The following TCF20 variants were observed in gnomAD, a reference collection of about 807,000 sequenced individuals.
The protein encoded by TCF20 is SPRE-binding protein.
A neutral mutation model predicts 148.6 loss-of-function variants in TCF20; 3 were observed. That is an observed-to-expected ratio of 0.02 (90% CI 0.01 to 0.05). The LOEUF (loss-of-function observed/expected upper bound fraction) is 0.05, where lower values mean the gene tolerates loss of function less well. Among genes scored for constraint, TCF20 ranks in the 10% least tolerant of loss-of-function variants. TCF20 has a pLI of 1.00. For synonymous variants in TCF20, 1,049 were observed against 909.5 expected, an observed-to-expected ratio of 1.15 and a Z score of -2.76; for missense variants, 2,350 against 2,429.3, an observed-to-expected ratio of 0.97 and a Z score of 0.69.
intron 1 of TCF20, among the ~76,000 whole-genome samples, chr22:42,222,095 A>G (rs1279997151): frequency 6.6e-6 from 1 of 152,194 alleles, no homozygotes; most frequent in Non-Finnish European, 1.5e-5. Flanking sequence ...CTGGCCCTCT[A>G]GACAGATCAG....
intron 1 of TCF20, among the ~76,000 whole-genome samples, chr22:42,266,297 A>C (rs1346952888): frequency 6.6e-6 from 1 of 152,184 alleles, no homozygotes; most frequent in Admixed American, 6.5e-5. Context: ...AGCTGGGTGG[A>C]TATTGTAACA....
intron 2 of TCF20, among the ~76,000 whole-genome samples, chr22:42,189,059 T>C (rs1230867095): frequency 2.0e-5 from 3 of 151,828 alleles, no homozygotes; most frequent in Non-Finnish European, 4.4e-5. Context: ...AGGCAGGGTG[T>C]AGGGAACCAA....
rs754366471 is a variant in TCF20 at position 42,210,324 on chromosome 22, A to G, written c.4982T>C (p.Val1661Ala). 5.6e-6 allele frequency: 9 copies of G among 1,613,950 alleles called. No individual in the cohort carries two copies. In the African/African-American group the frequency reaches 1.1e-4, roughly 19 times the overall value. The change falls in exon 2 of 6, where the codon GTG (valine) becomes GCG (alanine). Residue 1661 changes from valine to alanine, a missense_variant. Coordinates refer to ENST00000677622, the MANE Select transcript of TCF20 (RefSeq NM_001378418.1). This position sits in a 1 kb window ranked among gnomAD's most constrained non-coding sequence, Gnocchi z 4.7. The stretch of plus-strand genomic sequence containing the variant: ...TGACCTCTGACCCTTCCTGCCCCTC[A>G]CTAATTTGGTCTGTTCTTCTTCCTC... ...NAEEEEQTKL[V>A]RGRKGQRSLT...
At chr22:42,209,487 T>A (rs145428118) in intron 2 of TCF20, among the ~76,000 whole-genome samples, 164 bp downstream of exon 2, 1,815 of 152,352 alleles carry the variant, frequency 0.012, 38 homozygotes, top group African/African-American at 0.042. Flanking sequence ...TTTAGAAGTC[T>A]ATACAAATCT....
chr22:42,214,693 A>G lies in TCF20; in HGVS notation c.613T>C (p.Ser205Pro). 1 of 1,614,106 alleles carries G rather than the reference A, an allele frequency of 6.2e-7. No individual in the cohort carries two copies. The highest frequency in any genetic ancestry group is 8.5e-7 in the Non-Finnish European group (1 of 1,180,006). The part of the protein sequence containing the change: ...PQATGQPASS[S>P]SHLQPMQRPS... ...CGCTGCATTGGCTGTAGATGGGATG[A>G]GCTGGATGCTGGTTGGCCAGTGGCC... Residue 205 changes from serine (S) to proline (P), a missense_variant, in exon 2 of 6, where the codon TCA (serine) becomes CCA (proline). By Grantham distance (74) the Ser-to-Pro change is moderately conservative. Around this residue, in one of 7 missense-constraint regions of TCF20, gnomAD observed 1,641 missense variants for 1,662.6 expected, o/e 0.99. Transcript: ENST00000677622.
At chr22:42,337,086 G>A (rs1037228997) in intron 1 of TCF20, among the ~76,000 whole-genome samples, 1 of 152,208 alleles carries the variant, frequency 6.6e-6, no homozygotes, top group African/African-American at 2.4e-5. Flanking sequence ...AGTGCATGGA[G>A]TCCTGGTCTC....
At chr22:42,178,042 G>GC (rs1222723388) in intron 3 of TCF20, among the ~76,000 whole-genome samples, 5 of 152,126 alleles carry the variant, frequency 3.3e-5, no homozygotes, top group African/African-American at 4.8e-5. Flanking sequence ...AATTGATTAT[G>GC]CCTACATGAT....
intron 2 of TCF20, among the ~76,000 whole-genome samples, chr22:42,182,038 G>A (rs1304899676): frequency 1.3e-5 from 2 of 152,180 alleles, no homozygotes; most frequent in Non-Finnish European, 2.9e-5. Flanking sequence ...CCAGCCTGCT[G>A]AGGACAGAAG....
rs185777730 is a variant in TCF20 at position 42,179,626 on chromosome 22, G to A, written c.5732C>T (p.Pro1911Leu). Residue 1911 changes from proline (P) to leucine (L), a missense_variant, in exon 3 of 6, where the codon CCG (proline) becomes CTG (leucine). Coordinates refer to ENST00000677622, the MANE Select transcript of TCF20 (RefSeq NM_001378418.1). Reference protein sequence around the residue: ...NKGCSFRYHYPCAIDADCLLH... With the variant: ...NKGCSFRYHYLCAIDADCLLH... ...CCTCTTACCTGCATCAATGGCACAC[G>A]GGTAATGGTATCGGAAGGAGCAGCC... The A allele has an allele frequency of 6.6e-5, 106 of 1,614,058 alleles. No individual in the cohort carries two copies. In the Admixed American group the frequency reaches 1.1e-3, roughly 17 times the overall value.
rs71184878 is a variant in TCF20, at chr22:42,251,492, C to CTTTTTTT, written c.-37+18840_-37+18846dup. 9.1e-4 allele frequency among the ~76,000 whole-genome samples: 43 copies of CTTTTTTT among 47,026 alleles called. 4 individuals carry two copies. Among genetic ancestry groups the CTTTTTTT allele is most frequent in the African/African-American group, 2.2e-3 (25 of 11,118 alleles). 30.9% of individuals were successfully genotyped at this position (47,026 alleles called of 152,430 possible). ...ACTCTGTACCTGGCCAAACAAGTGTCTTTTTTTTTTTTTTTTTTTTTTTTT... is the reference window on the plus strand; with the variant it reads ...ACTCTGTACCTGGCCAAACAAGTGTCTTTTTTTTTTTTTTTTTTTTTTTTTTTTTTTT... On this transcript the variant is annotated intron_variant, in intron 1 of 5. Transcript: ENST00000677622.
intron 1 of TCF20, among the ~76,000 whole-genome samples, chr22:42,226,188 G>A (rs1158853921): frequency 2.0e-5 from 3 of 152,188 alleles, no homozygotes; most frequent in Non-Finnish European, 4.4e-5. Flanking sequence ...CAAAAAGGGG[G>A]CAGGAGAAGG....
intron 1 of TCF20, among the ~76,000 whole-genome samples, chr22:42,298,189 C>A (rs1364952187): frequency 1.3e-5 from 2 of 152,190 alleles, no homozygotes; most frequent in African/African-American, 2.4e-5. Flanking sequence ...GAGGGCTGAG[C>A]CCTCAGCCAG....
At chr22:42,224,023 C>G (rs756274735) in intron 1 of TCF20, among the ~76,000 whole-genome samples, 3 of 152,022 alleles carry the variant, frequency 2.0e-5, no homozygotes, top group Non-Finnish European at 4.4e-5. Context: ...AGTTCCTTGT[C>G]TAGAAGGAAA....
rs1928112975 is a variant in TCF20 at position 42,338,788 on chromosome 22, A to AGATGACAGTTTATTTCAACACC, written c.-37+4690_-37+4691insGGTGTTGAAATAAACTGTCATC. Among the ~76,000 whole-genome samples, 1 of 152,252 alleles carries AGATGACAGTTTATTTCAACACC rather than the reference A, an allele frequency of 6.6e-6. No individual in the cohort carries two copies. The highest frequency in any genetic ancestry group is 1.5e-5 in the Non-Finnish European group (1 of 68,042). ...GGGCAATCTTAATATATCAAAGTCC[A>AGATGACAGTTTATTTCAACACC]GATGACAGTTTATTTCAACACATCT... On this transcript the variant is annotated intron_variant, in intron 1 of 1. Coordinates refer to the TCF20 transcript ENST00000515426. The surrounding 1 kb of genome is among the most constrained non-coding windows in gnomAD (Gnocchi z 4.0).
At chr22:42,188,345 G>A (rs530726777) in intron 2 of TCF20, among the ~76,000 whole-genome samples, 2 of 143,202 alleles carry the variant, frequency 1.4e-5, no homozygotes, top group South Asian at 4.6e-4. Flanking sequence ...CGTGAGCTGT[G>A]TTATGAGGAA....
chr22:42,228,912 C>T (rs1185332896), intron 1 of TCF20, among the ~76,000 whole-genome samples: 1 of 152,138 alleles, frequency 6.6e-6, no homozygotes, highest in African/African-American at 2.4e-5. Flanking sequence ...GAGTCCACGG[C>T]TCATGAAGTA....
At chr22:42,256,062 T>C (rs988511169) in intron 1 of TCF20, among the ~76,000 whole-genome samples, 9 of 152,238 alleles carry the variant, frequency 5.9e-5, no homozygotes, top group East Asian at 5.8e-4. Context: ...CTTGTCTCTC[T>C]CTCTCGTCCA....
chr22:42,294,312 A>G (rs2147028408), intron 1 of TCF20, among the ~76,000 whole-genome samples: 1 of 152,308 alleles, frequency 6.6e-6, no homozygotes, highest in South Asian at 2.1e-4. Context: ...CCTCTCCCGG[A>G]GGACAGATAA....
At chr22:42,282,444 G>A (rs890108101) in intron 1 of TCF20, among the ~76,000 whole-genome samples, 4 of 152,260 alleles carry the variant, frequency 2.6e-5, no homozygotes, top group African/African-American at 9.6e-5. Context: ...AGGTCCAGGA[G>A]GCTGTGCTAA....
Sources: allele counts gnomAD v4.1 joint callset (sites outside exome capture counted in the v4.1 genomes callset), GRCh38; gene constraint gnomAD v4.1.1; regional missense constraint gnomAD v4.1.1; non-coding constraint Gnocchi (gnomAD v3.1); transcripts MANE v1.5; gene names NCBI Gene and HGNC (gene_info 2026-07-23, HGNC 2026-07-21).